The following KRT80 variants were observed in gnomAD, a reference collection of about 807,000 sequenced individuals.
The protein encoded by KRT80 is keratin 80.
KRT80 carries 36 observed loss-of-function variants against 51.5 expected under a neutral mutation model. The ratio of observed to expected loss-of-function variants is 0.70; its 90% CI spans 0.54 to 0.92. KRT80 has a LOEUF of 0.92. Ranked by LOEUF, KRT80 falls within the 40% of genes least tolerant of loss-of-function variation. The pLI, the probability that KRT80 is intolerant of heterozygous loss-of-function variation, is 0.00. For synonymous variants in KRT80, 235 were observed against 248.3 expected (o/e 0.95, Z 0.50); for missense variants, 566 against 591.7 (o/e 0.96, Z 0.45).
chr12:52,176,905 C>T (rs1941234215), intron 4 of KRT80, among the ~76,000 whole-genome samples: 2 of 152,190 alleles, frequency 1.3e-5, no homozygotes, highest in South Asian at 4.1e-4. Context: ...TGAATGCTTA[C>T]CATGTGTCAG....
intron 5 of KRT80, 146 bp downstream of exon 5, chr12:52,173,453 CG>C: frequency 1.4e-6 from 1 of 735,150 alleles, no homozygotes; most frequent in Non-Finnish European, 2.3e-6. Context: ...TCCCCCCGCC[CG>C]CCCCGTCCCT....
At chr12:52,173,458 C>CCGCCCAGTTG in intron 5 of KRT80, 142 bp downstream of exon 5, 1 of 792,252 alleles carries the variant, frequency 1.3e-6, no homozygotes, top group Non-Finnish European at 2.1e-6. Flanking sequence ...CCGCCCGCCC[C>CCGCCCAGTTG]GTCCCTGTGC....
intron 4 of KRT80, 66 bp downstream of exon 4, chr12:52,180,447 C>A: frequency 8.9e-7 from 1 of 1,125,564 alleles, no homozygotes; most frequent in South Asian, 2.8e-5. Flanking sequence ...TGTGCTTCCC[C>A]TGTGTCCTTT....
At position 52,185,367 on chromosome 12, in the gene KRT80, G is replaced by T. The variant is rs773525644; in HGVS notation, c.509+12C>A. The T allele has an allele frequency of 6.2e-7, 1 of 1,600,050 alleles. No individual in the cohort carries two copies. The highest frequency in any genetic ancestry group is 8.5e-7 in the Non-Finnish European group (1 of 1,171,508). On this transcript the variant is annotated intron_variant, in intron 2 of 8. Coordinates refer to ENST00000394815, the MANE Select transcript of KRT80 (RefSeq NM_182507.3). The stretch of plus-strand genomic sequence containing the variant: ...CAGGCCTTGCTCATGGCTCTCATGG[G>T]GCTCTACGTACCTGATTCGAAACTC...
In KRT80 at chr12:52,189,229, A is replaced by C. The variant is rs189423775; in HGVS notation, c.300+2374T>G. ...CCTTCCTCTGGGTCCATAATTGCTCAACAGCCCTGCGCCGTACCTCCTGCC... is the reference window on the plus strand; with the variant it reads ...CCTTCCTCTGGGTCCATAATTGCTCCACAGCCCTGCGCCGTACCTCCTGCC... On this transcript the variant is annotated intron_variant, in intron 1 of 8. Transcript: ENST00000394815. Among the ~76,000 whole-genome samples, 114 of 151,736 alleles carry C rather than the reference A, an allele frequency of 7.5e-4. 1 individual carries two copies. In the Middle Eastern group the frequency reaches 0.034, roughly 45 times the overall value.
At chr12:52,191,498 G>T in intron 1 of KRT80, 105 bp downstream of exon 1, 1 of 1,153,548 alleles carries the variant, frequency 8.7e-7, no homozygotes, top group East Asian at 2.4e-5. Flanking sequence ...CATTGGCTGG[G>T]TGCAGGGGTG....
At chr12:52,172,789 A>G (rs897621795) in intron 6 of KRT80, among the ~76,000 whole-genome samples, 1 of 152,078 alleles carries the variant, frequency 6.6e-6, no homozygotes, top group African/African-American at 2.4e-5. Context: ...GGGTGTGTGT[A>G]GTGTGGGGGC....
Position 52,172,149 on chromosome 12 carries a change from TCC to T in KRT80, c.1178+47_1178+48del, listed in dbSNP as rs781630125. Reference sequence around the variant, plus strand: ...AACTGACTTTGTGTAGGCCTGGGCCTCCAGCCCTCCTTCCCCTGCAGCCCTTC... The same window carrying T: ...AACTGACTTTGTGTAGGCCTGGGCCTAGCCCTCCTTCCCCTGCAGCCCTTC... On this transcript the variant is annotated intron_variant, in intron 7 of 8. Transcript: ENST00000394815. 7 of 1,595,968 alleles carry T rather than the reference TCC, an allele frequency of 4.4e-6. No individual in the cohort carries two copies. The East Asian group carries it at 1.6e-4, about 36-fold the overall frequency.
In KRT80 at chr12:52,170,117, C is replaced by A. The variant is rs1243910924; in HGVS notation, c.*1281G>T. ...AGATAGGAGTATGCCTGCCAACACCCCTGTCTTCTGGTGGGATGTGGAATT... is the reference window on the plus strand; with the variant it reads ...AGATAGGAGTATGCCTGCCAACACCACTGTCTTCTGGTGGGATGTGGAATT... On this transcript the variant is annotated 3_prime_UTR_variant, in exon 9 of 9. Coordinates refer to ENST00000394815, the MANE Select transcript of KRT80 (RefSeq NM_182507.3). 1 of 152,362 alleles carries A rather than the reference C, an allele frequency of 6.6e-6. No homozygotes were observed. The highest frequency in any genetic ancestry group is 1.5e-5 in the Non-Finnish European group (1 of 68,142). 9.4% of individuals were successfully genotyped at this position (152,362 alleles called of 1,614,324 possible).
In KRT80 at chr12:52,173,750, C is replaced by T. The variant is rs1178575778; in HGVS notation, c.681G>A (p.Leu227=). 2 of 1,611,022 alleles carry T rather than the reference C, an allele frequency of 1.2e-6. No individual in the cohort carries two copies. Among genetic ancestry groups the T allele is most frequent in the Non-Finnish European group, 1.7e-6 (2 of 1,179,988 alleles). The change falls in exon 5 of 9, where the codon CTG becomes CTA. Residue 227 remains leucine (L), a synonymous_variant. Coordinates refer to ENST00000394815, the MANE Select transcript of KRT80 (RefSeq NM_182507.3). ...KTIYEQELKD[L]AAQVKDVSVT... Reference sequence around the variant, plus strand: ...CCGACACATCCTTCACCTGTGCTGCCAGGTCCTTCAGCTCCTGACCGGGCA... The same window carrying T: ...CCGACACATCCTTCACCTGTGCTGCTAGGTCCTTCAGCTCCTGACCGGGCA...
chr12:52,173,479 C>G, intron 5 of KRT80, 121 bp downstream of exon 5: 1 of 1,009,078 alleles, frequency 9.9e-7, no homozygotes, highest in South Asian at 1.5e-5. Flanking sequence ...TTCTCCATTC[C>G]TCTCTCATAG....
intron 6 of KRT80, 104 bp from the exon 7 acceptor site, chr12:52,172,522 G>C (rs1462830714): frequency 4.9e-6 from 5 of 1,018,180 alleles, no homozygotes; most frequent in Non-Finnish European, 7.2e-6. Context: ...GTGTGGGGAG[G>C]GAGGGCTGAG....
In KRT80 at chr12:52,173,160, C is replaced by T. The variant is rs1215815973; in HGVS notation, c.835G>A (p.Glu279Lys). 6.2e-7 allele frequency: 1 copy of T among 1,608,488 alleles called. No individual in the cohort carries two copies. Among genetic ancestry groups the T allele is most frequent in the Non-Finnish European group, 8.5e-7 (1 of 1,177,692 alleles). The change falls in exon 6 of 9, where the codon GAG becomes AAG. Residue 279 changes from glutamate to lysine, a missense_variant. Coordinates refer to ENST00000394815, the MANE Select transcript of KRT80 (RefSeq NM_182507.3). ...EAEAYSRSQL[E>K]EQAARSAEYG... ...TCGGCCGAGCGGGCGGCCTGCTCCT[C>T]CAGCTGGAGGTACATGGAGGTCTCA... is the stretch of plus-strand genomic sequence containing the variant.
At chr12:52,177,486 G>C (rs904397481) in intron 4 of KRT80, among the ~76,000 whole-genome samples, 5 of 152,170 alleles carry the variant, frequency 3.3e-5, no homozygotes, top group African/African-American at 1.2e-4. Context: ...TTGGGAGCTG[G>C]ACTGTGTCTC....
intron 2 of KRT80, among the ~76,000 whole-genome samples, chr12:52,182,868 C>G (rs563181997): frequency 6.6e-6 from 1 of 152,162 alleles, no homozygotes; most frequent in Non-Finnish European, 1.5e-5. Flanking sequence ...CCGAGGGGAA[C>G]GCTGGGCTGC....
rs1431684187 is a variant in KRT80, at chr12:52,180,899, C to T, written c.570+4G>A. On this transcript the variant is annotated splice_donor_region_variant and intron_variant, in intron 3 of 8. Transcript: ENST00000394815. The stretch of plus-strand genomic sequence containing the variant: ...GAGCCCCTGGGGCAGGCTGGGCAGG[C>T]TACCTTCTTCAGCTGAACAAAGGTG... 6.3e-7 allele frequency: 1 copy of T among 1,592,658 alleles called. No individual in the cohort carries two copies. The highest frequency in any genetic ancestry group is 8.5e-7 in the Non-Finnish European group (1 of 1,172,648).
intron 1 of KRT80, among the ~76,000 whole-genome samples, chr12:52,188,166 C>T (rs1268214749): frequency 6.6e-6 from 1 of 152,136 alleles, no homozygotes; most frequent in Admixed American, 6.5e-5. Context: ...GGGGAGGGCT[C>T]ATAATCCTGG....
chr12:52,183,974 G>A (rs369428694), intron 2 of KRT80, among the ~76,000 whole-genome samples: 11 of 152,322 alleles, frequency 7.2e-5, no homozygotes, highest in Non-Finnish European at 1.5e-4. Flanking sequence ...CCGACTGCCC[G>A]GTCATGGTCA....
At chr12:52,173,450 G>GCC in intron 5 of KRT80, 150 bp downstream of exon 5, 1 of 438,114 alleles carries the variant, frequency 2.3e-6, no homozygotes, top group Non-Finnish European at 4.3e-6. Flanking sequence ...GTCTCCCCCC[G>GCC]CCCGCCCCGT....
Sources: gnomAD v4.1 joint callset for allele counts (sites outside exome capture counted in the v4.1 genomes callset) on GRCh38, gnomAD v4.1.1 for gene constraint, MANE v1.5 for transcripts, NCBI Gene and HGNC (gene_info 2026-07-23, HGNC 2026-07-21) for gene names.